The following DRC2 variants were observed in gnomAD, a reference collection of about 807,000 sequenced individuals.
The protein encoded by DRC2 is dynein regulatory complex subunit 2.
chr12:48,915,800 G>A, the DRC2 span, among the ~76,000 whole-genome samples: 20 of 151,038 alleles, frequency 1.3e-4, no homozygotes, highest in African/African-American at 4.9e-4. Context: ...CCTCCCTCCC[G>A]GACGGGGTGG....
At chr12:48,919,111 C>G in the DRC2 span, among the ~76,000 whole-genome samples, 1 of 152,114 alleles carries the variant, frequency 6.6e-6, no homozygotes, top group Non-Finnish European at 1.5e-5. Flanking sequence ...TGGGGTCTCA[C>G]TGTGTTGCCC....
the DRC2 span, among the ~76,000 whole-genome samples, chr12:48,912,507 G>A: frequency 6.7e-6 from 1 of 150,116 alleles, no homozygotes; most frequent in Non-Finnish European, 1.5e-5. Flanking sequence ...GGCTCCTGGA[G>A]GGACCATCCT....
the DRC2 span, chr12:48,918,665 A>G: frequency 3.7e-6 from 6 of 1,610,180 alleles, no homozygotes; most frequent in Admixed American, 8.3e-5. Context: ...GATTTCCCCT[A>G]ATCTACTCTG....
chr12:48,920,207 C>G, the DRC2 span, among the ~76,000 whole-genome samples: 3 of 149,240 alleles, frequency 2.0e-5, no homozygotes, highest in Admixed American at 6.7e-5. Context: ...TTTGGGAGGC[C>G]GAGGCAGGTG....
At chr12:48,916,820 C>A in the DRC2 span, 1 of 646,142 alleles carries the variant, frequency 1.5e-6, no homozygotes, top group Non-Finnish European at 2.5e-6. Flanking sequence ...TCTTTCTAGC[C>A]CTAAAAAGAG....
the DRC2 span, among the ~76,000 whole-genome samples, chr12:48,916,381 C>T: frequency 6.6e-6 from 1 of 152,144 alleles, no homozygotes; most frequent in African/African-American, 2.4e-5. Flanking sequence ...GCGGATCACT[C>T]GCGGTTAGGA....
At chr12:48,917,066 C>T in the DRC2 span, 17 of 1,613,978 alleles carry the variant, frequency 1.1e-5, no homozygotes, top group Non-Finnish European at 1.4e-5. Context: ...AGTATGAAAG[C>T]AAGCTGGAGT....
At chr12:48,916,072 C>T in the DRC2 span, among the ~76,000 whole-genome samples, 2 of 149,830 alleles carry the variant, frequency 1.3e-5, no homozygotes, top group Non-Finnish European at 3.0e-5. Context: ...CCTCACTTCC[C>T]AGATGGGATG....
At chr12:48,908,523 C>T in the DRC2 span, among the ~76,000 whole-genome samples, 1 of 151,526 alleles carries the variant, frequency 6.6e-6, no homozygotes, top group South Asian at 2.1e-4. Context: ...TTCCTGTTTT[C>T]CACCCTTCAC....
the DRC2 span, among the ~76,000 whole-genome samples, chr12:48,913,517 G>A: frequency 3.4e-4 from 51 of 152,088 alleles, no homozygotes; most frequent in Middle Eastern, 3.4e-3. Flanking sequence ...TTTTGAGACC[G>A]AGTCTCGCAC....
the DRC2 span, chr12:48,904,835 G>T: frequency 1.1e-6 from 1 of 901,100 alleles, no homozygotes; most frequent in Non-Finnish European, 1.6e-6. Flanking sequence ...AATGCCATCA[G>T]GCCGTTCCCA....
the DRC2 span, among the ~76,000 whole-genome samples, chr12:48,911,648 C>T: frequency 6.6e-6 from 1 of 152,038 alleles, no homozygotes; most frequent in Non-Finnish European, 1.5e-5. Flanking sequence ...ATGGTGGCCT[C>T]ACTCTGTTGC....
At chr12:48,914,053 G>A in the DRC2 span, among the ~76,000 whole-genome samples, 1 of 146,372 alleles carries the variant, frequency 6.8e-6, no homozygotes, top group Non-Finnish European at 1.5e-5. Context: ...CCCAGGCCTT[G>A]TGAGTAGCTG....
chr12:48,920,478 ATGAG>A, the DRC2 span, among the ~76,000 whole-genome samples: 1 of 142,516 alleles, frequency 7.0e-6, no homozygotes, highest in African/African-American at 2.6e-5. Context: ...GAATGAGAGA[ATGAG>A]TTTGTTTTTT....
chr12:48,920,043 A>G, the DRC2 span, among the ~76,000 whole-genome samples: 49 of 145,756 alleles, frequency 3.4e-4, no homozygotes, highest in African/African-American at 1.2e-3. Flanking sequence ...AGCCTGGGAC[A>G]TCGCGGCTGC....
chr12:48,916,841 CCT>C, the DRC2 span: 2 of 797,188 alleles, frequency 2.5e-6, no homozygotes, highest in Non-Finnish European at 1.9e-6. Flanking sequence ...TAAAGCCTTC[CCT>C]CTCTCTTTTC....
chr12:48,915,961 A>G, the DRC2 span, among the ~76,000 whole-genome samples: 7 of 103,968 alleles, frequency 6.7e-5, no homozygotes, highest in Non-Finnish European at 9.7e-5. Context: ...CATCCCAGAC[A>G]GGGCGGCGGG....
the DRC2 span, among the ~76,000 whole-genome samples, chr12:48,917,811 C>T: frequency 5.3e-5 from 8 of 152,170 alleles, no homozygotes; most frequent in Non-Finnish European, 1.2e-4. Context: ...AAGTGCTTTC[C>T]ACTGTCCTCG....
the DRC2 span, among the ~76,000 whole-genome samples, chr12:48,920,227 A>G: frequency 1.4e-5 from 2 of 147,874 alleles, no homozygotes; most frequent in African/African-American, 2.5e-5. Flanking sequence ...GGATTACTTG[A>G]GGTTGGGAGT....
Sources: gnomAD v4.1 joint callset for allele counts (sites outside exome capture counted in the v4.1 genomes callset) on GRCh38, gnomAD v4.1.1 for gene constraint, MANE v1.5 for transcripts, NCBI Gene and HGNC (gene_info 2026-07-23, HGNC 2026-07-21) for gene names.